The following THSD7B variants were observed in gnomAD, a reference collection of about 807,000 sequenced individuals.
THSD7B encodes the protein thrombospondin type 1 domain containing 7B.
THSD7B carries 138 observed loss-of-function variants against 213.6 expected under a neutral mutation model. The observed-to-expected ratio is 0.65, with a 90% CI of 0.56 to 0.74. THSD7B has a LOEUF of 0.74. THSD7B is among the 30% of genes least tolerant of loss of function. THSD7B has a pLI of 0.00. For missense variants in THSD7B, 1,931 were observed against 1,991.5 expected (o/e 0.97, Z 0.58); for synonymous variants, 742 against 687.0 (o/e 1.08, Z -1.25).
At chr2:136,945,122 G>C (rs1391353252) in intron 2 of THSD7B, among the ~76,000 whole-genome samples, 2 of 152,156 alleles carry the variant, frequency 1.3e-5, no homozygotes, top group Non-Finnish European at 2.9e-5. Context: ...TGTCTGTAAA[G>C]GATTTTATTT....
chr2:137,556,075 G>A (rs1229231562), intron 15 of THSD7B, among the ~76,000 whole-genome samples: 5 of 152,118 alleles, frequency 3.3e-5, no homozygotes, highest in South Asian at 2.1e-4. Context: ...ATTGGTGTAC[G>A]TAAAAGTGAT....
intron 2 of THSD7B, among the ~76,000 whole-genome samples, chr2:137,044,614 A>G (rs1157273534): frequency 1.3e-5 from 2 of 152,206 alleles, no homozygotes; most frequent in African/African-American, 4.8e-5. Flanking sequence ...TCTAAATTAG[A>G]CACAATAAGA....
chr2:136,871,934 T>C (rs1683437029), intron 1 of THSD7B, among the ~76,000 whole-genome samples: 1 of 152,234 alleles, frequency 6.6e-6, no homozygotes, highest in African/African-American at 2.4e-5. Context: ...GCAATTACTC[T>C]ACTTCTCATG....
intron 1 of THSD7B, among the ~76,000 whole-genome samples, chr2:136,862,097 A>G (rs535946127): frequency 2.6e-4 from 40 of 152,328 alleles, no homozygotes; most frequent in African/African-American, 8.7e-4. Flanking sequence ...AAGCTGCAAT[A>G]TATTTTATGT....
intron 15 of THSD7B, among the ~76,000 whole-genome samples, chr2:137,549,308 C>CT (rs1680797969): frequency 1.0e-5 from 1 of 100,172 alleles, no homozygotes; most frequent in Non-Finnish European, 1.9e-5. Context: ...TTTTCAGATG[C>CT]TCTTTTTTTT....
At chr2:137,004,268 T>C (rs1686059363) in intron 2 of THSD7B, among the ~76,000 whole-genome samples, 1 of 142,830 alleles carries the variant, frequency 7.0e-6, no homozygotes, top group South Asian at 2.2e-4. Flanking sequence ...TTCATCCTCC[T>C]TCCCGTGACC....
intron 3 of THSD7B, among the ~76,000 whole-genome samples, chr2:137,077,147 G>A (rs911519574): frequency 1.3e-5 from 2 of 151,888 alleles, no homozygotes; most frequent in Admixed American, 6.6e-5. Flanking sequence ...CCCTACAAAG[G>A]ACATGAACTC....
rs894353663 is a variant in THSD7B at position 137,128,153 on chromosome 2, C to A, written c.1369+12860C>A. The stretch of plus-strand genomic sequence containing the variant: ...CCCAAAATTCTATACCTGTAATTTT[C>A]TTTCCTGCTAGTTAGGATATACTAT... On this transcript the variant is annotated intron_variant, in intron 5 of 27. Coordinates refer to ENST00000409968, the MANE Select transcript of THSD7B (RefSeq NM_001316349.2). 6.6e-5 allele frequency among the ~76,000 whole-genome samples: 10 copies of A among 152,090 alleles called. No homozygotes were observed. The East Asian group carries it at 1.5e-3, about 23-fold the overall frequency.
At chr2:137,483,009 A>G (rs1390489832) in intron 15 of THSD7B, among the ~76,000 whole-genome samples, 2 of 151,950 alleles carry the variant, frequency 1.3e-5, no homozygotes, top group Admixed American at 6.5e-5. Flanking sequence ...ACTAAGTGAT[A>G]GAAGTCATGA....
intron 2 of THSD7B, among the ~76,000 whole-genome samples, chr2:137,026,539 C>A (rs897254910): frequency 1.3e-5 from 2 of 152,140 alleles, no homozygotes; most frequent in African/African-American, 4.8e-5. Context: ...AAATTTCCCT[C>A]AAAATGAACT....
Position 137,389,226 on chromosome 2 carries a change from A to AAT in THSD7B, c.2501-16375_2501-16374dup, listed in dbSNP as rs201188768. Among the ~76,000 whole-genome samples, 984 of 129,596 alleles carry AAT rather than the reference A, an allele frequency of 7.6e-3. 12 individuals carry two copies. The highest frequency in any genetic ancestry group is 0.026 in the African/African-American group (933 of 36,444). The allele number at this position is 129,596 out of a possible 152,430, so 85.0% of individuals were successfully genotyped here. On this transcript the variant is annotated intron_variant, in intron 12 of 27. Transcript: ENST00000409968. ...TATATATATATATATATGACAAAAT[A>AAT]ATATATATATATAGAGAGAGTTTTT...
rs1243747731 is a variant in THSD7B, at chr2:136,775,027, A to G, written c.-36+9340A>G. 2.6e-5 allele frequency among the ~76,000 whole-genome samples: 4 copies of G among 152,256 alleles called. No individual in the cohort carries two copies. The South Asian group carries it at 8.3e-4, about 32-fold the overall frequency. On this transcript the variant is annotated intron_variant, in intron 1 of 27. Transcript: ENST00000409968. The stretch of plus-strand genomic sequence containing the variant: ...CACGCAAGAGTAAAATGCCAGTTCC[A>G]GTTTCTAGGAATTTACAGTCTACCT...
chr2:137,608,315 A>G (rs1331130490), intron 17 of THSD7B, among the ~76,000 whole-genome samples: 1 of 150,456 alleles, frequency 6.6e-6, no homozygotes, highest in Non-Finnish European at 1.5e-5. Context: ...TCCATACTAA[A>G]TGCTTTTCAG....
At position 137,677,387 on chromosome 2, in the gene THSD7B, C is replaced by T. The variant is rs1683727904; in HGVS notation, c.*782C>T. 6.6e-6 allele frequency: 1 copy of T among 152,256 alleles called. No individual in the cohort carries two copies. The highest frequency in any genetic ancestry group is 6.5e-5 in the Admixed American group (1 of 15,282). The allele number at this position is 152,256 out of a possible 1,614,324, so 9.4% of individuals were successfully genotyped here. On this transcript the variant is annotated 3_prime_UTR_variant, in exon 28 of 28. Coordinates refer to ENST00000409968, the MANE Select transcript of THSD7B (RefSeq NM_001316349.2). Reference sequence around the variant, plus strand: ...AAACTGTATTTTAACAAAAACTTATCCATGTAGATATAGCATTAACCACAC... The same window carrying T: ...AAACTGTATTTTAACAAAAACTTATTCATGTAGATATAGCATTAACCACAC...
intron 20 of THSD7B, among the ~76,000 whole-genome samples, chr2:137,626,961 A>G (rs377028337): frequency 6.6e-6 from 1 of 152,210 alleles, no homozygotes; most frequent in African/African-American, 2.4e-5. Flanking sequence ...AAGACTGTGT[A>G]ATTTATAAAG....
intron 15 of THSD7B, among the ~76,000 whole-genome samples, chr2:137,510,959 C>G (rs545756046): frequency 2.6e-5 from 4 of 152,274 alleles, no homozygotes; most frequent in African/African-American, 9.6e-5. Context: ...ACCTATACCT[C>G]AGTATTTGTC....
rs116463615 is a variant in THSD7B, at chr2:136,992,717, G to A, written c.140-63703G>A. ...TGTCCCTGGGGGTGTTAACAACTTGGAACTTCTGGCTTGCCACACAGTAGC... is the reference window on the plus strand; with the variant it reads ...TGTCCCTGGGGGTGTTAACAACTTGAAACTTCTGGCTTGCCACACAGTAGC... On this transcript the variant is annotated intron_variant, in intron 2 of 27. Coordinates refer to ENST00000409968, the MANE Select transcript of THSD7B (RefSeq NM_001316349.2). Among the ~76,000 whole-genome samples, 278 of 152,184 alleles carry A rather than the reference G, an allele frequency of 1.8e-3. 1 individual carries two copies. The highest frequency in any genetic ancestry group is 6.5e-3 in the African/African-American group (270 of 41,520).
chr2:136,853,890 T>TTG (rs1683136443), intron 1 of THSD7B, among the ~76,000 whole-genome samples: 1 of 152,090 alleles, frequency 6.6e-6, no homozygotes, highest in Non-Finnish European at 1.5e-5. Context: ...AGTTTTGTGT[T>TTG]TGTGTGTGTG....
intron 15 of THSD7B, among the ~76,000 whole-genome samples, chr2:137,543,359 G>C (rs529726437): frequency 6.6e-6 from 1 of 151,814 alleles, no homozygotes; most frequent in Admixed American, 6.6e-5. Flanking sequence ...CTTAACACAG[G>C]TGCCAAGGCA....
Sources: gnomAD v4.1 joint callset for allele counts (sites outside exome capture counted in the v4.1 genomes callset) on GRCh38, gnomAD v4.1.1 for gene constraint, MANE v1.5 for transcripts, NCBI Gene and HGNC (gene_info 2026-07-23, HGNC 2026-07-21) for gene names.